CUL1: variants seen among roughly 807,000 people sequenced by gnomAD.
CUL1 encodes cullin-1.
Under a neutral mutation model 118.0 loss-of-function variants are expected in CUL1, and 24 were observed. That is an observed-to-expected ratio of 0.20 (90% confidence interval 0.15 to 0.29). CUL1 has a LOEUF of 0.29. CUL1 is among the 10% of genes least tolerant of loss of function. The pLI is 1.00. For missense variants in CUL1, 361 were observed against 933.8 expected (o/e 0.39, Z 7.99); for synonymous variants, 332 against 340.4 (o/e 0.98, Z 0.27).
chr7:148,733,865 T>A (rs569410994), intron 2 of CUL1, among the ~76,000 whole-genome samples: 10 of 152,280 alleles, frequency 6.6e-5, no homozygotes, highest in African/African-American at 2.2e-4. Context: ...GTGTTTTTTT[T>A]AGAAAAAGCA....
intron 1 of CUL1, among the ~76,000 whole-genome samples, chr7:148,713,192 C>T (rs979228292): frequency 2.6e-5 from 4 of 152,136 alleles, no homozygotes; most frequent in East Asian, 1.9e-4. Context: ...ACAAAATACA[C>T]GCAAGTACCA....
At chr7:148,707,314 A>G (rs1454888823) in intron 1 of CUL1, among the ~76,000 whole-genome samples, 5 of 152,072 alleles carry the variant, frequency 3.3e-5, no homozygotes, top group Non-Finnish European at 5.9e-5. Context: ...CCTAATGAGT[A>G]TGGTTATAAG....
chr7:148,717,285 G>T (rs1468241591), intron 1 of CUL1, among the ~76,000 whole-genome samples: 3 of 152,148 alleles, frequency 2.0e-5, no homozygotes, highest in Non-Finnish European at 4.4e-5. Flanking sequence ...GCGAACTCCT[G>T]ACCTCAGGTG....
chr7:148,734,459 G>T (rs1798873604), intron 2 of CUL1, among the ~76,000 whole-genome samples: 1 of 152,182 alleles, frequency 6.6e-6, no homozygotes, highest in Admixed American at 6.5e-5. Flanking sequence ...GCCCAGGCTG[G>T]TCTCAAACTC....
chr7:148,759,205 A>G (rs1311927475), intron 4 of CUL1, 99 bp from the exon 5 acceptor site: 1 of 1,209,714 alleles, frequency 8.3e-7, no homozygotes, highest in African/African-American at 1.5e-5. Context: ...TAATCTAGAA[A>G]TTTTGATAAA....
At chr7:148,743,112 C>T (rs1185700598) in intron 2 of CUL1, among the ~76,000 whole-genome samples, 1 of 152,050 alleles carries the variant, frequency 6.6e-6, no homozygotes, top group Non-Finnish European at 1.5e-5. Flanking sequence ...AATTATAATT[C>T]CATTTTGATC....
chr7:148,797,395 C>CAA (rs5888340), intron 17 of CUL1, among the ~76,000 whole-genome samples: 25,583 of 120,212 alleles, frequency 0.21, 3,302 homozygotes, highest in African/African-American at 0.33. Context: ...ACATGATGCT[C>CAA]AAAAAAAAAA....
rs78950573 is a variant in CUL1 at position 148,708,679 on chromosome 7, T to C, written c.-162+9650T>C. 5.2e-3 allele frequency among the ~76,000 whole-genome samples: 794 copies of C among 152,350 alleles called. 7 individuals are homozygous for C. Among genetic ancestry groups the C allele is most frequent in the African/African-American group, 0.018 (741 of 41,582 alleles). On this transcript the variant is annotated intron_variant, in intron 1 of 21. Transcript: ENST00000325222. ...CTTAAAAAAATCCTGAAAATCTAGC[T>C]GTGTGTATCATGCTAACATGCTTTT... is the stretch of plus-strand genomic sequence containing the variant.
rs1295523464 is a variant in CUL1, at chr7:148,787,628, A to G, written c.1479+508A>G. On this transcript the variant is annotated intron_variant, in intron 13 of 21. Transcript: ENST00000325222. This position sits in a 1 kb window ranked among gnomAD's most constrained non-coding sequence, Gnocchi z 5.5. The stretch of plus-strand genomic sequence containing the variant: ...GCCTTCCCAACCCCTTCCCCACCCC[A>G]CTGTGGGGCTTCCATCCTACCCAGG... Among the ~76,000 whole-genome samples, 1 of 151,704 alleles carries G rather than the reference A, an allele frequency of 6.6e-6. No individual in the cohort carries two copies. Among genetic ancestry groups the G allele is most frequent in the Admixed American group, 6.6e-5 (1 of 15,244 alleles).
intron 1 of CUL1, among the ~76,000 whole-genome samples, chr7:148,711,773 A>C (rs1256396685): frequency 6.6e-6 from 1 of 152,252 alleles, no homozygotes; most frequent in Non-Finnish European, 1.5e-5. Flanking sequence ...GCAGATACTT[A>C]TTCAAGGCCC....
intron 1 of CUL1, among the ~76,000 whole-genome samples, chr7:148,713,640 G>A (rs1257603396): frequency 2.6e-5 from 4 of 152,028 alleles, no homozygotes; most frequent in Non-Finnish European, 5.9e-5. Flanking sequence ...TGTACTTCTG[G>A]GTAATGATAT....
At chr7:148,720,565 G>A (rs963556962) in intron 1 of CUL1, among the ~76,000 whole-genome samples, 1 of 152,126 alleles carries the variant, frequency 6.6e-6, no homozygotes, top group South Asian at 2.1e-4. Flanking sequence ...CGCAACATGA[G>A]GAAAATAGAT....
chr7:148,707,538 C>T (rs1466525408), intron 1 of CUL1, among the ~76,000 whole-genome samples: 3 of 151,778 alleles, frequency 2.0e-5, no homozygotes, highest in Admixed American at 6.6e-5. Context: ...ACCACAGGTT[C>T]GTTACATAGG....
In CUL1 at chr7:148,800,853, G is replaced by A. The variant is rs1279334366; in HGVS notation, c.*271G>A. The A allele has an allele frequency of 1.2e-5, 4 of 332,948 alleles. No homozygotes were observed. Among genetic ancestry groups the A allele is most frequent in the Admixed American group, 4.6e-5 (1 of 21,826 alleles). The allele number at this position is 332,948 out of a possible 1,614,324, so 20.6% of individuals were successfully genotyped here. A position where few individuals can be genotyped will look rare whatever the true frequency, so the allele number is the denominator to read the frequency against. ...TCCGTGCCGAGGGCTGCATGCTACC[G>A]CACTAAGTCAATACATGGGCTCCCC... On this transcript the variant is annotated 3_prime_UTR_variant, in exon 22 of 22. Transcript: ENST00000325222. This position sits in a 1 kb window ranked among gnomAD's most constrained non-coding sequence, Gnocchi z 4.6.
At chr7:148,784,266 CAG>C (rs1800748347) in intron 11 of CUL1, among the ~76,000 whole-genome samples, 189 bp downstream of exon 11, 1 of 152,134 alleles carries the variant, frequency 6.6e-6, no homozygotes, top group African/African-American at 2.4e-5. Context: ...GTTTTTCAAA[CAG>C]AAATGTCTCA....
At chr7:148,782,458 A>C (rs1288553052) in intron 9 of CUL1, among the ~76,000 whole-genome samples, 2 of 152,212 alleles carry the variant, frequency 1.3e-5, no homozygotes, top group Non-Finnish European at 2.9e-5. Context: ...GTAATTTTAA[A>C]ATATTAAATA....
intron 1 of CUL1, among the ~76,000 whole-genome samples, chr7:148,715,883 C>A (rs1245657223): frequency 6.6e-6 from 1 of 152,110 alleles, no homozygotes; most frequent in Non-Finnish European, 1.5e-5. Context: ...AGAGTTGTTC[C>A]TCTCTAACTC....
intron 17 of CUL1, among the ~76,000 whole-genome samples, chr7:148,797,315 A>G (rs1451943217): frequency 6.6e-6 from 1 of 150,744 alleles, no homozygotes; most frequent in East Asian, 1.9e-4. Flanking sequence ...TTTCCAATAC[A>G]GGTTCAACAT....
chr7:148,785,641 G>A (rs921523730), intron 11 of CUL1, among the ~76,000 whole-genome samples: 2 of 151,474 alleles, frequency 1.3e-5, no homozygotes, highest in Non-Finnish European at 2.9e-5. Flanking sequence ...TGGGATTACA[G>A]GTGTGAGCCA....
Sources: allele counts gnomAD v4.1 joint callset (sites outside exome capture counted in the v4.1 genomes callset), GRCh38; gene constraint gnomAD v4.1.1; non-coding constraint Gnocchi (gnomAD v3.1); transcripts MANE v1.5; gene names NCBI Gene and HGNC (gene_info 2026-07-23, HGNC 2026-07-21).